Variants in PRKD1 observed in about 807,000 individuals in gnomAD.
The protein encoded by PRKD1 is protein kinase D1, also known as serine/threonine-protein kinase D1.
A neutral mutation model predicts 95.9 loss-of-function variants in PRKD1; 63 were observed. The observed-to-expected ratio is 0.66, with a 90% CI of 0.54 to 0.81. The LOEUF is 0.81. Among genes scored for constraint, PRKD1 ranks in the 30% least tolerant of loss-of-function variants. The pLI is 0.00. For missense variants in PRKD1, 1,048 were observed against 1,165.3 expected (o/e 0.90, Z 1.47); for synonymous variants, 425 against 423.1 (o/e 1.00, Z -0.05).
intron 13 of PRKD1, among the ~76,000 whole-genome samples, chr14:29,600,864 GC>G (rs11339273): frequency 0.43 from 65,236 of 151,776 alleles, 14,536 homozygotes; most frequent in African/African-American, 0.54. Flanking sequence ...ATCAACAAAT[GC>G]CTTTGATCAT....
intron 1 of PRKD1, among the ~76,000 whole-genome samples, chr14:29,776,997 C>A (rs1019384147): frequency 2.6e-5 from 4 of 152,152 alleles, no homozygotes; most frequent in Non-Finnish European, 5.9e-5. Flanking sequence ...ATTCAACATT[C>A]TTAAAGAAAA....
chr14:29,817,162 C>G (rs916897674), intron 1 of PRKD1, among the ~76,000 whole-genome samples: 1 of 152,146 alleles, frequency 6.6e-6, no homozygotes, highest in Admixed American at 6.6e-5. Context: ...AAATTTTGAA[C>G]TAACATAAAT....
intron 2 of PRKD1, among the ~76,000 whole-genome samples, chr14:29,713,858 T>C (rs1042577387): frequency 6.6e-6 from 1 of 152,154 alleles, no homozygotes; most frequent in African/African-American, 2.4e-5. Context: ...AACTGTGGTA[T>C]TCAAACACTA....
At chr14:29,637,649 T>C (rs1018390990) in intron 6 of PRKD1, among the ~76,000 whole-genome samples, 1 of 152,156 alleles carries the variant, frequency 6.6e-6, no homozygotes, top group Non-Finnish European at 1.5e-5. Context: ...TGGCAGCTAA[T>C]TCATGAATCT....
intron 1 of PRKD1, among the ~76,000 whole-genome samples, chr14:29,863,759 AC>A (rs1472670764): frequency 6.6e-6 from 1 of 152,018 alleles, no homozygotes; most frequent in Admixed American, 6.6e-5. Context: ...CTACAATCTT[AC>A]TCTTTTTCAG....
rs563797131 is a variant in PRKD1, at chr14:29,829,290, T to C, written c.264+97959A>G. On this transcript the variant is annotated intron_variant, in intron 1 of 17. Coordinates refer to ENST00000331968, the MANE Select transcript of PRKD1 (RefSeq NM_002742.3). ...GAGCAAAATTTAAAAATAAGTTGTT[T>C]AATGTCACTAAGTTTTAGGGTGATT... is the stretch of plus-strand genomic sequence containing the variant. 9.2e-4 allele frequency among the ~76,000 whole-genome samples: 140 copies of C among 152,300 alleles called. 4 individuals are homozygous for C. The South Asian group carries it at 0.027, about 30-fold the overall frequency.
At chr14:29,811,371 C>A (rs1029948986) in intron 1 of PRKD1, among the ~76,000 whole-genome samples, 2 of 152,200 alleles carry the variant, frequency 1.3e-5, no homozygotes, top group Non-Finnish European at 2.9e-5. Context: ...ATGCTCTGTG[C>A]ACCACCTAGG....
At chr14:29,874,364 A>C (rs896948104) in intron 1 of PRKD1, among the ~76,000 whole-genome samples, 2 of 152,206 alleles carry the variant, frequency 1.3e-5, no homozygotes, top group African/African-American at 4.8e-5. Context: ...GAACTCTTAT[A>C]AACTGTTGGT....
intron 1 of PRKD1, among the ~76,000 whole-genome samples, chr14:29,772,144 T>G (rs1049575461): frequency 2.0e-5 from 3 of 152,166 alleles, no homozygotes; most frequent in African/African-American, 7.2e-5. Flanking sequence ...GATATTGGGA[T>G]GGAATCAATG....
chr14:29,757,711 TA>T (rs1235671214), intron 1 of PRKD1, among the ~76,000 whole-genome samples: 1 of 151,400 alleles, frequency 6.6e-6, no homozygotes, highest in Non-Finnish European at 1.5e-5. Flanking sequence ...AAAAACCAAT[TA>T]AAAAAATAAA....
At chr14:29,720,692 A>T (rs1885844819) in intron 2 of PRKD1, among the ~76,000 whole-genome samples, 1 of 151,894 alleles carries the variant, frequency 6.6e-6, no homozygotes, top group Non-Finnish European at 1.5e-5. Flanking sequence ...AGGCAGGAGA[A>T]TTGCTTAAAC....
intron 1 of PRKD1, among the ~76,000 whole-genome samples, chr14:29,884,171 C>A (rs938357614): frequency 1.3e-5 from 2 of 152,102 alleles, no homozygotes; most frequent in Non-Finnish European, 2.9e-5. Context: ...AGAGTCATTT[C>A]CTGTTATTGG....
intron 1 of PRKD1, among the ~76,000 whole-genome samples, chr14:29,739,440 T>TTGTACC (rs1399071385): frequency 6.6e-6 from 1 of 152,126 alleles, no homozygotes; most frequent in East Asian, 1.9e-4. Flanking sequence ...CCTTCATAAT[T>TTGTACC]TTAAATTTGT....
chr14:29,857,652 A>T (rs79895806), intron 1 of PRKD1, among the ~76,000 whole-genome samples: 1,610 of 152,346 alleles, frequency 0.011, 24 homozygotes, highest in African/African-American at 0.037. Flanking sequence ...CACTTAGAAG[A>T]AGTTGTTCAG....
rs1893356652 is a variant in PRKD1, at chr14:29,597,630, G to A, written c.2295C>T (p.Asp765=). 2 of 1,614,090 alleles carry A rather than the reference G, an allele frequency of 1.2e-6. No homozygotes were observed. Among genetic ancestry groups the A allele is most frequent in the African/African-American group, 2.7e-5 (2 of 75,048 alleles). The stretch of plus-strand genomic sequence containing the variant: ...AGATGATGACCCCAACAGACCACAT[G>A]TCTAGAGAGCGATTGTAGCCCTTGT... ...LRNKGYNRSL[D]MWSVGVIIYV... The change falls in exon 16 of 18, where the codon GAC becomes GAT. Residue 765 remains aspartate, a synonymous_variant. Coordinates refer to ENST00000331968, the MANE Select transcript of PRKD1 (RefSeq NM_002742.3).
rs1263446923 is a variant in PRKD1 at position 29,871,230 on chromosome 14, C to A, written c.264+56019G>T. Among the ~76,000 whole-genome samples, 4 of 152,208 alleles carry A rather than the reference C, an allele frequency of 2.6e-5. No homozygotes were observed. In the South Asian group the frequency reaches 6.2e-4, roughly 24 times the overall value. On this transcript the variant is annotated intron_variant, in intron 1 of 17. Transcript: ENST00000331968. ...TGACATTTAATCTGGGTATGGAATA[C>A]TCTCCACGGAAAGTAGGAAATTAAA...
intron 16 of PRKD1, among the ~76,000 whole-genome samples, chr14:29,586,675 CTT>C (rs1892943375): frequency 2.6e-5 from 4 of 152,190 alleles, no homozygotes; most frequent in South Asian, 2.1e-4. Context: ...GAGTTTTGCT[CTT>C]GTTGCCCAGG....
At chr14:29,725,443 T>C (rs1422343104) in intron 2 of PRKD1, 93 bp downstream of exon 2, 3 of 1,446,706 alleles carry the variant, frequency 2.1e-6, no homozygotes, top group Non-Finnish European at 2.8e-6. Context: ...GTTTGAGATA[T>C]GCTTTTTATG....
At chr14:29,697,118 T>A (rs1178754352) in intron 2 of PRKD1, among the ~76,000 whole-genome samples, 1 of 151,604 alleles carries the variant, frequency 6.6e-6, no homozygotes. Flanking sequence ...ACAGGTCCTA[T>A]CTGGCCCATG....
Sources: gnomAD v4.1 joint callset for allele counts (sites outside exome capture counted in the v4.1 genomes callset) on GRCh38, gnomAD v4.1.1 for gene constraint, MANE v1.5 for transcripts, NCBI Gene and HGNC (gene_info 2026-07-23, HGNC 2026-07-21) for gene names.